The following IPP variants were observed in gnomAD, a reference collection of about 807,000 sequenced individuals.
IPP encodes intracisternal A particle-promoted polypeptide, also known as actin-binding protein IPP.
IPP carries 41 observed loss-of-function variants against 64.1 expected under a neutral mutation model. That is an observed-to-expected ratio of 0.64 (90% CI 0.50 to 0.83). The LOEUF is 0.83. IPP is among the 40% of genes least tolerant of loss of function. The probability of loss-of-function intolerance (pLI) is 0.00; values close to 1 mark genes in which losing one functional copy is unlikely to be tolerated. For missense variants in IPP, 649 were observed against 703.0 expected, an observed-to-expected ratio of 0.92 and a Z score of 0.87; for synonymous variants, 214 against 235.2, an observed-to-expected ratio of 0.91 and a Z score of 0.83.
intron 2 of IPP, among the ~76,000 whole-genome samples, chr1:45,744,226 A>G (rs1646105317): frequency 1.3e-5 from 2 of 152,098 alleles, no homozygotes; most frequent in Non-Finnish European, 2.9e-5. Flanking sequence ...ATCATCACTC[A>G]CTGAAGCCGC....
chr1:45,724,369 A>G (rs866361253), intron 5 of IPP, among the ~76,000 whole-genome samples: 1 of 147,682 alleles, frequency 6.8e-6, no homozygotes, highest in African/African-American at 2.5e-5. Flanking sequence ...CCTCCCAAAG[A>G]GCCGAGATTG....
At position 45,699,634 on chromosome 1, in the gene IPP, C is replaced by T. The variant is rs1042170939; in HGVS notation, c.*332G>A. 1 of 1,052,230 alleles carries T rather than the reference C, an allele frequency of 9.5e-7. No individual in the cohort carries two copies. The highest frequency in any genetic ancestry group is 4.8e-5 in the Admixed American group (1 of 20,724). The allele number at this position is 1,052,230 out of a possible 1,614,324, so 65.2% of individuals were successfully genotyped here. A position where few individuals can be genotyped will look rare whatever the true frequency, so the allele number is the denominator to read the frequency against. ...GGGATATATTCCATATCCATTCTCA[C>T]TCATATTTTTAGAAAAATCATTCTT... On this transcript the variant is annotated 3_prime_UTR_variant, in exon 9 of 9. Coordinates refer to ENST00000396478, the MANE Select transcript of IPP (RefSeq NM_005897.3).
At chr1:45,725,039 C>T (rs1300552713) in intron 5 of IPP, among the ~76,000 whole-genome samples, 1 of 147,754 alleles carries the variant, frequency 6.8e-6, no homozygotes, top group African/African-American at 2.5e-5. Flanking sequence ...CCCCGCCCGG[C>T]CAGCCGCCCC....
At position 45,741,147 on chromosome 1, in the gene IPP, T is replaced by C. The variant is rs762086002; in HGVS notation, c.478A>G (p.Asn160Asp). Residue 160 changes from asparagine to aspartate, a missense_variant, in exon 3 of 9, where the codon AAC (asparagine) becomes GAC (aspartate). Physicochemically the swap from Asn to Asp is conservative, Grantham distance 23. Transcript: ENST00000396478. ...ACHDLLEFSE[N>D]YIHVHFLEVH... ...TCCAAGAAATGGACATGAATGTAGT[T>C]TTCTGAGAATTCCAAGAGATCATGG... 1.1e-5 allele frequency: 18 copies of C among 1,614,064 alleles called. No individual in the cohort carries two copies. Among genetic ancestry groups the C allele is most frequent in the Non-Finnish European group, 1.5e-5 (18 of 1,180,042 alleles).
intron 7 of IPP, among the ~76,000 whole-genome samples, chr1:45,716,442 A>G (rs192699377): frequency 6.6e-6 from 1 of 152,140 alleles, no homozygotes; most frequent in East Asian, 1.9e-4. Context: ...ATGAGGTTTC[A>G]CCACGTTGGC....
chr1:45,710,922 G>A lies in IPP; in HGVS notation c.1530+3324C>T, dbSNP rs772002299. ...TTGTCCCAGCTACTCGGGAGGCTAA[G>A]ACAGGAGAATTGCTTGAACCCGGGA... On this transcript the variant is annotated intron_variant, in intron 8 of 8. Transcript: ENST00000396478. Among the ~76,000 whole-genome samples the A allele has an allele frequency of 4.4e-3, 115 of 25,926 alleles. 52 individuals are homozygous for A. The highest frequency in any genetic ancestry group is 0.015 in the African/African-American group (105 of 7,062). 17.0% of individuals were successfully genotyped at this position (25,926 alleles called of 152,430 possible). A position where few individuals can be genotyped will look rare whatever the true frequency, so the allele number is the denominator to read the frequency against.
Position 45,719,450 on chromosome 1 carries a change from G to T in IPP, c.1049-110C>A, listed in dbSNP as rs546958966. On this transcript the variant is annotated intron_variant, in intron 5 of 8. Coordinates refer to ENST00000396478, the MANE Select transcript of IPP (RefSeq NM_005897.3). ...CTATCGTCAAAAATTCAACCATTAT[G>T]TCTGATTTTATACTATTCATTAACT... 6 of 687,012 alleles carry T rather than the reference G, an allele frequency of 8.7e-6. No homozygotes were observed. The African/African-American group carries it at 9.1e-5, about 10-fold the overall frequency. 42.6% of individuals were successfully genotyped at this position (687,012 alleles called of 1,614,324 possible). A position where few individuals can be genotyped will look rare whatever the true frequency, so the allele number is the denominator to read the frequency against.
chr1:45,698,604 C>G, downstream of IPP: 1 of 834,026 alleles, frequency 1.2e-6, no homozygotes, highest in Non-Finnish European at 1.4e-6. Flanking sequence ...TAGGTTTGCC[C>G]AAGTACAAAT....
chr1:45,720,730 T>C (rs1295205524), intron 5 of IPP, among the ~76,000 whole-genome samples: 1 of 151,992 alleles, frequency 6.6e-6, no homozygotes, highest in African/African-American at 2.4e-5. Flanking sequence ...GAAGACAGAG[T>C]TAGCACTACA....
At position 45,727,640 on chromosome 1, in the gene IPP, C is replaced by T. The variant is rs767500416; in HGVS notation, c.1039G>A (p.Ala347Thr). ...GVTVLGGMVY[A>T]IGGEKDSMIF... ...ACATTTTTATTATTACCTCCAATAG[C>T]GTAGACCATCCCTCCCAGAACTGTT... The change falls in exon 5 of 9, where the codon GCT becomes ACT. Residue 347 changes from alanine to threonine, a missense_variant. By Grantham distance (58) the Ala-to-Thr change is moderately conservative (BLOSUM62 0). Transcript: ENST00000396478. The T allele has an allele frequency of 1.9e-6, 3 of 1,563,566 alleles. No homozygotes were observed. The highest frequency in any genetic ancestry group is 1.7e-5 in the Admixed American group (1 of 57,782).
At chr1:45,749,216 TGAATATCCATTC>T (rs1198521533) in intron 1 of IPP, among the ~76,000 whole-genome samples, 2 of 152,214 alleles carry the variant, frequency 1.3e-5, no homozygotes, top group African/African-American at 2.4e-5. Flanking sequence ...AAGAGTTGAC[TGAATATCCATTC>T]GGGTGGCAGA....
At chr1:45,713,279 A>G (rs2148556178) in intron 8 of IPP, among the ~76,000 whole-genome samples, 1 of 152,052 alleles carries the variant, frequency 6.6e-6, no homozygotes, top group South Asian at 2.1e-4. Flanking sequence ...AAAAAAATTC[A>G]GCTGGGTGCA....
chr1:45,706,913 G>A (rs1485713001), intron 8 of IPP, among the ~76,000 whole-genome samples: 2 of 152,174 alleles, frequency 1.3e-5, no homozygotes, highest in Non-Finnish European at 2.9e-5. Flanking sequence ...TAGAAATGTG[G>A]AGAAGCCAGA....
chr1:45,717,224 A>C (rs1447013049), intron 6 of IPP, among the ~76,000 whole-genome samples: 5 of 39,906 alleles, frequency 1.3e-4, no homozygotes, highest in African/African-American at 3.8e-4. Flanking sequence ...CTTTTGAGAA[A>C]AAAAAAAAAA....
chr1:45,738,656 C>T (rs969509327), intron 3 of IPP, among the ~76,000 whole-genome samples: 21 of 151,604 alleles, frequency 1.4e-4, no homozygotes, highest in East Asian at 1.9e-4. Flanking sequence ...CTGGCTAACA[C>T]GGTGAAACCC....
chr1:45,735,439 A>G (rs1295490708), intron 3 of IPP, among the ~76,000 whole-genome samples: 1 of 63,404 alleles, frequency 1.6e-5, no homozygotes, highest in Non-Finnish European at 3.6e-5. Context: ...TTTTTATCTT[A>G]TTTTATTTTT....
chr1:45,748,005 G>T (rs922583141), intron 1 of IPP, among the ~76,000 whole-genome samples: 2 of 151,986 alleles, frequency 1.3e-5, no homozygotes, highest in Non-Finnish European at 1.5e-5. Context: ...AAATGGTTAC[G>T]TTTATAGCAT....
At chr1:45,736,187 G>A (rs1369311128) in intron 3 of IPP, among the ~76,000 whole-genome samples, 1 of 151,882 alleles carries the variant, frequency 6.6e-6, no homozygotes, top group Admixed American at 6.6e-5. Flanking sequence ...CAAACTCCTG[G>A]TCTCAAGTGA....
intron 8 of IPP, among the ~76,000 whole-genome samples, chr1:45,713,131 T>C (rs940497333): frequency 1.1e-4 from 17 of 152,018 alleles, no homozygotes; most frequent in African/African-American, 4.1e-4. Flanking sequence ...AGAGCTGAGA[T>C]TGTTGGGATT....
Sources: allele counts gnomAD v4.1 joint callset (sites outside exome capture counted in the v4.1 genomes callset), GRCh38; gene constraint gnomAD v4.1.1; transcripts MANE v1.5; gene names NCBI Gene and HGNC (gene_info 2026-07-23, HGNC 2026-07-21).